CAV1: variants seen among roughly 807,000 people sequenced by gnomAD.
CAV1 encodes the protein caveolin-1.
CAV1 carries 10 observed loss-of-function variants against 16.5 expected under a neutral mutation model. That is an observed-to-expected ratio of 0.61 (90% CI 0.37 to 1.03). CAV1 has a LOEUF of 1.03. Ranked by LOEUF, CAV1 falls within the 50% of genes least tolerant of loss-of-function variation. The probability of loss-of-function intolerance (pLI) is 0.01; values close to 1 mark genes in which losing one functional copy is unlikely to be tolerated. For synonymous variants in CAV1, 76 were observed against 85.1 expected (o/e 0.89, Z 0.59); for missense variants, 212 against 232.8 (o/e 0.91, Z 0.58).
chr7:116,546,851 A>G (rs983755396), intron 2 of CAV1, among the ~76,000 whole-genome samples: 2 of 152,170 alleles, frequency 1.3e-5, no homozygotes, highest in African/African-American at 4.8e-5. Context: ...GATGGCCTAA[A>G]GCTACAGAAA....
At chr7:116,556,580 G>T (rs1794298689) in intron 2 of CAV1, among the ~76,000 whole-genome samples, 1 of 152,164 alleles carries the variant, frequency 6.6e-6, no homozygotes, top group South Asian at 2.1e-4. Flanking sequence ...GTTGTTGTCA[G>T]TTAAATGAGA....
At chr7:116,545,752 A>C (rs546791495) in intron 2 of CAV1, among the ~76,000 whole-genome samples, 1 of 152,208 alleles carries the variant, frequency 6.6e-6, no homozygotes, top group Non-Finnish European at 1.5e-5. Context: ...AAAATGATGA[A>C]GACATTTCCG....
At chr7:116,550,927 C>T (rs1794147895) in intron 2 of CAV1, among the ~76,000 whole-genome samples, 1 of 152,160 alleles carries the variant, frequency 6.6e-6, no homozygotes, top group African/African-American at 2.4e-5. Flanking sequence ...CAAAAAGTAG[C>T]TCCACTCATT....
chr7:116,528,288 G>A (rs1793612493), intron 2 of CAV1, among the ~76,000 whole-genome samples: 1 of 152,082 alleles, frequency 6.6e-6, no homozygotes, highest in African/African-American at 2.4e-5. Context: ...ACTAAGTTGA[G>A]AAAGAAAGGC....
intron 2 of CAV1, among the ~76,000 whole-genome samples, chr7:116,555,518 AAGAGAGAGAGAGAGAGAGAGAG>A (rs1187575266): frequency 0.03 from 426 of 14,028 alleles, 98 homozygotes; most frequent in South Asian, 0.11. Flanking sequence ...GAAAGAAAGA[AAGAGAGAGAGAGAGAGAGAGAG>A]AGAGAAAGAA....
At chr7:116,525,298 G>A (rs758373334) in intron 1 of CAV1, 20 of 1,554,010 alleles carry the variant, frequency 1.3e-5, no homozygotes, top group Non-Finnish European at 1.6e-5. Flanking sequence ...CTAATGGAGA[G>A]GGGGCCTAGG....
rs149462778 is a variant in CAV1 at position 116,527,999 on chromosome 7, T to C, written c.195+1310T>C. On this transcript the variant is annotated intron_variant, in intron 2 of 2. Transcript: ENST00000341049. Reference sequence around the variant, plus strand: ...AAAAGCAACAGCAACAAAAGTACCTTATAAACTAGAAAATAGAATTGCTAA... The same window carrying C: ...AAAAGCAACAGCAACAAAAGTACCTCATAAACTAGAAAATAGAATTGCTAA... Among the ~76,000 whole-genome samples the C allele has an allele frequency of 2.0e-3, 300 of 147,920 alleles. 2 individuals carry two copies. In the South Asian group the frequency reaches 0.021, roughly 10 times the overall value.
intron 2 of CAV1, among the ~76,000 whole-genome samples, chr7:116,554,593 A>G (rs1336180935): frequency 6.6e-6 from 1 of 152,172 alleles, no homozygotes; most frequent in East Asian, 1.9e-4. Context: ...TCTCATTTTA[A>G]TCATTCTGGG....
At chr7:116,534,386 TATA>T (rs1456475096) in intron 2 of CAV1, among the ~76,000 whole-genome samples, 6 of 14,422 alleles carry the variant, frequency 4.2e-4, no homozygotes, top group Admixed American at 1.7e-3. Context: ...TATATATATA[TATA>T]TATATATTTT....
chr7:116,546,702 A>AAAAAAAAAAAAAAAAAT (rs1554356427), intron 2 of CAV1, among the ~76,000 whole-genome samples: 38 of 143,038 alleles, frequency 2.7e-4, no homozygotes, highest in African/African-American at 4.0e-4. Context: ...TGTCACAAAA[A>AAAAAAAAAAAAAAAAAT]AAAAAAAAAA....
intron 2 of CAV1, among the ~76,000 whole-genome samples, chr7:116,556,514 A>G (rs1489202877): frequency 6.6e-6 from 1 of 152,226 alleles, no homozygotes; most frequent in East Asian, 1.9e-4. Flanking sequence ...TGGACAACTC[A>G]TTAGCATTTC....
rs190351536 is a variant in CAV1 at position 116,543,433 on chromosome 7, A to T, written c.196-15513A>T. On this transcript the variant is annotated intron_variant, in intron 2 of 2. Coordinates refer to ENST00000341049, the MANE Select transcript of CAV1 (RefSeq NM_001753.5). ...ATGGCATGCTGAATGCAAAAGGACC[A>T]CAAATAAATATTTGGTACTGAAGAA... Among the ~76,000 whole-genome samples the T allele has an allele frequency of 3.5e-4, 53 of 152,354 alleles. No homozygotes were observed. The South Asian group carries it at 8.5e-3, about 24-fold the overall frequency.
intron 2 of CAV1, among the ~76,000 whole-genome samples, chr7:116,550,650 G>C (rs1794141487): frequency 6.6e-6 from 1 of 152,142 alleles, no homozygotes; most frequent in South Asian, 2.1e-4. Flanking sequence ...GACTTCAAAG[G>C]AAGCTCAACG....
chr7:116,546,350 C>A (rs527850247), intron 2 of CAV1, among the ~76,000 whole-genome samples: 1 of 152,200 alleles, frequency 6.6e-6, no homozygotes, highest in East Asian at 1.9e-4. Context: ...TCACAGCCAG[C>A]TGGTCTGCAG....
intron 2 of CAV1, among the ~76,000 whole-genome samples, chr7:116,553,352 G>C (rs1794201058): frequency 6.6e-6 from 1 of 151,842 alleles, no homozygotes; most frequent in South Asian, 2.1e-4. Flanking sequence ...TCATGTTTCT[G>C]AAATTGTAGT....
chr7:116,555,359 A>G (rs1193853240), intron 2 of CAV1, among the ~76,000 whole-genome samples: 1 of 150,784 alleles, frequency 6.6e-6, no homozygotes, highest in Non-Finnish European at 1.5e-5. Context: ...GGATTGCTTG[A>G]GCCCAGGAGG....
intron 2 of CAV1, among the ~76,000 whole-genome samples, chr7:116,556,591 A>G (rs1469974701): frequency 6.6e-6 from 1 of 152,212 alleles, no homozygotes; most frequent in Non-Finnish European, 1.5e-5. Context: ...TTAAATGAGA[A>G]CAGTGTCTGA....
At chr7:116,533,257 GA>G (rs1453506908) in intron 2 of CAV1, among the ~76,000 whole-genome samples, 1 of 152,068 alleles carries the variant, frequency 6.6e-6, no homozygotes, top group Middle Eastern at 3.4e-3. Flanking sequence ...AGAATGGCTT[GA>G]ACCCAGGAGG....
chr7:116,529,925 A>G (rs555142107), intron 2 of CAV1, among the ~76,000 whole-genome samples: 2 of 152,312 alleles, frequency 1.3e-5, no homozygotes, highest in South Asian at 4.1e-4. Flanking sequence ...TCACATTGTT[A>G]TTCACATGTT....
Sources: allele counts gnomAD v4.1 joint callset (sites outside exome capture counted in the v4.1 genomes callset), GRCh38; gene constraint gnomAD v4.1.1; transcripts MANE v1.5; gene names NCBI Gene and HGNC (gene_info 2026-07-23, HGNC 2026-07-21).